Variants in SNX29 observed in about 807,000 individuals in gnomAD.
SNX29 encodes sorting nexin-29.
A neutral mutation model predicts 102.1 loss-of-function variants in SNX29; 78 were observed. That is an observed-to-expected ratio of 0.76 (90% CI 0.64 to 0.92). The LOEUF (loss-of-function observed/expected upper bound fraction) is 0.92, where lower values mean the gene tolerates loss of function less well. Among genes scored for constraint, SNX29 ranks in the 40% least tolerant of loss-of-function variants. The probability of loss-of-function intolerance (pLI) is 0.00; values close to 1 mark genes in which losing one functional copy is unlikely to be tolerated. For synonymous variants in SNX29, 580 were observed against 414.5 expected (o/e 1.40, Z -4.85); for missense variants, 1,280 against 1,061.7 (o/e 1.21, Z -2.86).
chr16:12,524,370 C>T (rs945932727), intron 19 of SNX29, among the ~76,000 whole-genome samples: 1 of 151,780 alleles, frequency 6.6e-6, no homozygotes, highest in Non-Finnish European at 1.5e-5. Flanking sequence ...CCACGAAGGC[C>T]ACAGCAGTGT....
intron 14 of SNX29, among the ~76,000 whole-genome samples, chr16:12,270,652 TTATTTA>T (rs1446813524): frequency 1.3e-5 from 2 of 152,084 alleles, no homozygotes; most frequent in South Asian, 4.1e-4. Flanking sequence ...CATTTACCTC[TTATTTA>T]TATTTATATT....
intron 16 of SNX29, among the ~76,000 whole-genome samples, chr16:12,356,685 T>A (rs147175596): frequency 6.6e-6 from 1 of 152,376 alleles, no homozygotes. Context: ...TGTTTTTAAT[T>A]GAATATTGTG....
intron 11 of SNX29, among the ~76,000 whole-genome samples, chr16:12,115,985 G>A (rs1294127023): frequency 1.3e-5 from 2 of 152,246 alleles, no homozygotes; most frequent in East Asian, 3.8e-4. Context: ...TAAGGATTTA[G>A]TGTTAAACAA....
intron 16 of SNX29, among the ~76,000 whole-genome samples, chr16:12,390,838 G>A (rs1416401184): frequency 2.0e-5 from 3 of 150,626 alleles, no homozygotes; most frequent in African/African-American, 7.4e-5. Flanking sequence ...ACGCAGCTGA[G>A]TCAGAGCTCA....
At chr16:12,528,833 C>T (rs169772) in intron 20 of SNX29, among the ~76,000 whole-genome samples, 31,855 of 152,202 alleles carry the variant, frequency 0.21, 3,457 homozygotes, top group East Asian at 0.3. Context: ...TGATCAGCTT[C>T]AGGAATGGTG....
chr16:12,054,978 T>C (rs1275589151), intron 8 of SNX29, among the ~76,000 whole-genome samples: 2 of 152,192 alleles, frequency 1.3e-5, no homozygotes, highest in African/African-American at 4.8e-5. Flanking sequence ...AACTGTTTGT[T>C]AGGGCAGCTT....
Position 12,569,546 on chromosome 16 carries a change from C to A in SNX29, c.*917C>A. 4.3e-6 allele frequency: 1 copy of A among 231,534 alleles called. No homozygotes were observed. The allele number at this position is 231,534 out of a possible 1,614,324, so 14.3% of individuals were successfully genotyped here. A position where few individuals can be genotyped will look rare whatever the true frequency, so the allele number is the denominator to read the frequency against. ...TATGAAGTTGGACCCAGTGTGGACA[C>A]TTAACAGATCATGTGTCTCTCCACT... is the stretch of plus-strand genomic sequence containing the variant. On this transcript the variant is annotated 3_prime_UTR_variant, in exon 21 of 21. Coordinates refer to ENST00000566228, the MANE Select transcript of SNX29 (RefSeq NM_032167.5).
At chr16:12,542,759 C>CTTT (rs36004047) in intron 20 of SNX29, among the ~76,000 whole-genome samples, 6 of 144,772 alleles carry the variant, frequency 4.1e-5, no homozygotes, top group African/African-American at 1.5e-4. Context: ...CTATCACTGC[C>CTTT]TTTTTTTTTT....
At chr16:12,275,332 T>G (rs954103918) in intron 14 of SNX29, among the ~76,000 whole-genome samples, 2 of 152,166 alleles carry the variant, frequency 1.3e-5, no homozygotes, top group Admixed American at 6.5e-5. Flanking sequence ...ACTCAGAAGT[T>G]CAGTGTGTGT....
At chr16:12,229,167 C>T (rs2077699430) in intron 14 of SNX29, among the ~76,000 whole-genome samples, 1 of 152,212 alleles carries the variant, frequency 6.6e-6, no homozygotes, top group Admixed American at 6.5e-5. Flanking sequence ...CTTATTTATT[C>T]CTGGTTTGAA....
intron 18 of SNX29, among the ~76,000 whole-genome samples, chr16:12,472,912 C>G (rs575077022): frequency 2.1e-4 from 32 of 152,220 alleles, no homozygotes; most frequent in Middle Eastern, 6.8e-3. Flanking sequence ...TATTACCCTC[C>G]TATTTAATCT....
intron 19 of SNX29, among the ~76,000 whole-genome samples, chr16:12,483,445 G>A (rs570837977): frequency 2.0e-5 from 3 of 151,546 alleles, no homozygotes; most frequent in East Asian, 2.0e-4. Context: ...AGCCTCCTGA[G>A]TAGCTGGGAT....
intron 10 of SNX29, among the ~76,000 whole-genome samples, chr16:12,071,933 A>G (rs984345561): frequency 2.0e-5 from 3 of 152,302 alleles, no homozygotes; most frequent in Middle Eastern, 3.4e-3. Flanking sequence ...CTTTGAAGCA[A>G]TTGTGAATGG....
chr16:12,389,202 G>A (rs1298777051), intron 16 of SNX29, among the ~76,000 whole-genome samples: 1 of 152,154 alleles, frequency 6.6e-6, no homozygotes, highest in Non-Finnish European at 1.5e-5. Context: ...GTTGACCTGT[G>A]CCTCAGTTTC....
At chr16:12,469,220 C>T (rs922144986) in intron 18 of SNX29, among the ~76,000 whole-genome samples, 3 of 152,156 alleles carry the variant, frequency 2.0e-5, no homozygotes, top group Admixed American at 6.5e-5. Flanking sequence ...ACTGAAAAGT[C>T]GTTTTTCTTG....
chr16:12,089,887 A>AG (rs2052420548), intron 11 of SNX29: 1 of 342,972 alleles, frequency 2.9e-6, no homozygotes, highest in Admixed American at 4.3e-5. Flanking sequence ...GGCAGTGCTG[A>AG]GGGCTCCCCT....
chr16:12,220,901 G>C (rs936294575), intron 14 of SNX29, among the ~76,000 whole-genome samples: 1 of 152,178 alleles, frequency 6.6e-6, no homozygotes, highest in East Asian at 1.9e-4. Flanking sequence ...TAGCAGCTGA[G>C]TAGGATGGTC....
At chr16:12,260,264 C>A (rs1843668560) in intron 14 of SNX29, among the ~76,000 whole-genome samples, 1 of 152,184 alleles carries the variant, frequency 6.6e-6, no homozygotes, top group Non-Finnish European at 1.5e-5. Context: ...CTTGTTCCAG[C>A]CTTGACATTG....
intron 18 of SNX29, among the ~76,000 whole-genome samples, chr16:12,463,129 G>A (rs1487437756): frequency 2.6e-5 from 4 of 152,208 alleles, no homozygotes; most frequent in Non-Finnish European, 5.9e-5. Flanking sequence ...CAGGCTCCTG[G>A]GCACTGCTGC....
Sources: gnomAD v4.1 joint callset for allele counts (sites outside exome capture counted in the v4.1 genomes callset) on GRCh38, gnomAD v4.1.1 for gene constraint, MANE v1.5 for transcripts, NCBI Gene and HGNC (gene_info 2026-07-23, HGNC 2026-07-21) for gene names.